The following ACSF2 variants were observed in gnomAD, a reference collection of about 807,000 sequenced individuals.
The protein encoded by ACSF2 is medium-chain acyl-CoA ligase ACSF2, mitochondrial.
ACSF2 carries 52 observed loss-of-function variants against 79.3 expected under a neutral mutation model. That is an observed-to-expected ratio of 0.66 (90% CI 0.53 to 0.83). ACSF2 has a LOEUF of 0.83. Ranked by LOEUF, ACSF2 falls within the 40% of genes least tolerant of loss-of-function variation. ACSF2 has a pLI of 0.00. For missense variants in ACSF2, 661 were observed against 803.3 expected (o/e 0.82, Z 2.14); for synonymous variants, 283 against 312.6 (o/e 0.91, Z 1.00).
chr17:50,445,509 T>C (rs1462011441), intron 1 of ACSF2, among the ~76,000 whole-genome samples: 1 of 152,122 alleles, frequency 6.6e-6, no homozygotes, highest in East Asian at 1.9e-4. Flanking sequence ...CAAAAGTGTC[T>C]ACAGGCTGGG....
intron 12 of ACSF2, 199 bp downstream of exon 12, chr17:50,472,778 C>T: frequency 3.9e-6 from 2 of 517,560 alleles, no homozygotes; most frequent in Non-Finnish European, 3.2e-6. Context: ...GGGTCATCAC[C>T]CTACACCAGC....
At position 50,472,449 on chromosome 17, in the gene ACSF2, G is replaced by T; in HGVS notation, c.1345G>T (p.Ala449Ser). The change falls in exon 12 of 16, where the codon GCA (alanine) becomes TCA (serine). Residue 449 changes from alanine (A) to serine (S), a missense_variant. By Grantham distance (99) the Ala-to-Ser change is moderately conservative. Transcript: ENST00000300441. ...CCAGGCCCGGATCATGAACATGGAG[G>T]CAGGGACGCTGGCAAAGCTGAACAC... ...HTEARIMNMEAGTLAKLNTPG... is the reference protein window; with the variant it reads ...HTEARIMNMESGTLAKLNTPG... The T allele has an allele frequency of 3.1e-6, 5 of 1,612,630 alleles. No individual in the cohort carries two copies. The highest frequency in any genetic ancestry group is 1.7e-4 in the Middle Eastern group (1 of 6,040).
At chr17:50,452,736 C>A (rs1598409935) in intron 1 of ACSF2, among the ~76,000 whole-genome samples, 3 of 152,218 alleles carry the variant, frequency 2.0e-5, no homozygotes, top group Admixed American at 6.5e-5. Flanking sequence ...ATGCCCCAGG[C>A]ATTTGTGGTG....
chr17:50,426,421 G>T, intron 1 of ACSF2, 32 bp downstream of exon 1: 1 of 1,295,804 alleles, frequency 7.7e-7, no homozygotes. Context: ...AGAGGGGGCG[G>T]GGCAGTTCCC....
At chr17:50,459,604 C>G (rs956638119) in intron 1 of ACSF2, among the ~76,000 whole-genome samples, 5 of 152,150 alleles carry the variant, frequency 3.3e-5, no homozygotes, top group African/African-American at 1.2e-4. Flanking sequence ...AATGGAAGTG[C>G]AGGTTCTCCT....
intron 10 of ACSF2, chr17:50,465,601 AT>A: frequency 9.4e-6 from 14 of 1,490,486 alleles, no homozygotes; most frequent in Non-Finnish European, 1.3e-5. Context: ...TCCCATGCTT[AT>A]TAGGTAGCAG....
intron 1 of ACSF2, among the ~76,000 whole-genome samples, chr17:50,433,970 C>T (rs1166065804): frequency 6.6e-6 from 1 of 151,962 alleles, no homozygotes; most frequent in African/African-American, 2.4e-5. Flanking sequence ...ATTATCACTT[C>T]TTATGTATTT....
At chr17:50,454,711 T>C (rs1311118158) in intron 1 of ACSF2, among the ~76,000 whole-genome samples, 1 of 152,168 alleles carries the variant, frequency 6.6e-6, no homozygotes, top group South Asian at 2.1e-4. Context: ...ACCTGGTCTT[T>C]ATTCCACACA....
chr17:50,427,119 G>A, intron 1 of ACSF2: 1 of 869,228 alleles, frequency 1.2e-6, no homozygotes, highest in South Asian at 1.6e-5. Context: ...CCACTGGGGA[G>A]CCCTGTGCAC....
chr17:50,462,733 A>G, intron 6 of ACSF2, 148 bp downstream of exon 6: 1 of 915,954 alleles, frequency 1.1e-6, no homozygotes, highest in Non-Finnish European at 1.6e-6. Flanking sequence ...CCTGGAAAAT[A>G]TCAGCACCTG....
At chr17:50,439,688 G>A (rs1295754967) in intron 1 of ACSF2, among the ~76,000 whole-genome samples, 5 of 152,174 alleles carry the variant, frequency 3.3e-5, no homozygotes, top group Non-Finnish European at 7.3e-5. Flanking sequence ...ACTTTAAAGT[G>A]TTTGCTGCTG....
chr17:50,469,083 C>A, intron 10 of ACSF2: 2 of 1,226,260 alleles, frequency 1.6e-6, no homozygotes, highest in African/African-American at 1.6e-5. Flanking sequence ...GGCCCCCGAG[C>A]CCCGAGCCCT....
chr17:50,447,852 T>C (rs778508306), intron 1 of ACSF2, among the ~76,000 whole-genome samples: 2 of 152,224 alleles, frequency 1.3e-5, no homozygotes, highest in Non-Finnish European at 2.9e-5. Flanking sequence ...CTCAGCTAGA[T>C]GGCTTGACCA....
intron 1 of ACSF2, chr17:50,460,130 C>T: frequency 2.2e-6 from 1 of 454,224 alleles, no homozygotes; most frequent in Non-Finnish European, 4.4e-6. Flanking sequence ...ACAGGGGCCG[C>T]CCAGCTGCCT....
chr17:50,460,955 A>C, intron 2 of ACSF2, 83 bp downstream of exon 2: 1 of 1,446,606 alleles, frequency 6.9e-7, no homozygotes, highest in African/African-American at 1.4e-5. Flanking sequence ...GAGCGTGGGC[A>C]CCTGGCTATG....
intron 1 of ACSF2, among the ~76,000 whole-genome samples, chr17:50,447,431 T>C (rs1019728381): frequency 2.0e-5 from 3 of 151,824 alleles, no homozygotes; most frequent in Admixed American, 1.3e-4. Flanking sequence ...TCCCAGCTAC[T>C]CGGGGGGTGC....
intron 1 of ACSF2, among the ~76,000 whole-genome samples, chr17:50,441,954 C>A (rs948193796): frequency 1.3e-4 from 20 of 152,118 alleles, no homozygotes; most frequent in African/African-American, 4.8e-4. Context: ...ATTGTCCCAC[C>A]TTAGCCTCCC....
At chr17:50,472,307 G>A (rs2033157433) in intron 11 of ACSF2, 121 bp from the exon 12 acceptor site, 13 of 1,187,704 alleles carry the variant, frequency 1.1e-5, no homozygotes, top group African/African-American at 1.6e-5. Flanking sequence ...GAGCCAGGGG[G>A]CCTCATTCCA....
At chr17:50,457,865 A>G (rs1382546367) in intron 1 of ACSF2, among the ~76,000 whole-genome samples, 1 of 152,120 alleles carries the variant, frequency 6.6e-6, no homozygotes, top group African/African-American at 2.4e-5. Context: ...GATGGCCAAG[A>G]GAGTGGTTGT....
Sources: gnomAD v4.1 joint callset for allele counts (sites outside exome capture counted in the v4.1 genomes callset) on GRCh38, gnomAD v4.1.1 for gene constraint, MANE v1.5 for transcripts, NCBI Gene and HGNC (gene_info 2026-07-23, HGNC 2026-07-21) for gene names.